Variants in SORCS2 observed in about 807,000 individuals in gnomAD.
SORCS2 encodes sortilin related VPS10 domain containing receptor 2.
A neutral mutation model predicts 141.6 loss-of-function variants in SORCS2; 100 were observed. The ratio of observed to expected loss-of-function variants is 0.71; its 90% CI spans 0.60 to 0.83. The LOEUF (loss-of-function observed/expected upper bound fraction) is 0.83. Among genes scored for constraint, SORCS2 ranks in the 40% least tolerant of loss-of-function variants. The pLI is 0.00. For synonymous variants in SORCS2, 789 were observed against 676.9 expected, an observed-to-expected ratio of 1.17 and a Z score of -2.57; for missense variants, 1,646 against 1,560.2, an observed-to-expected ratio of 1.05 and a Z score of -0.93.
intron 1 of SORCS2, among the ~76,000 whole-genome samples, chr4:7,209,212 C>T (rs990441401): frequency 2.0e-5 from 3 of 152,250 alleles, no homozygotes; most frequent in Non-Finnish European, 4.4e-5. Flanking sequence ...ATGCCCCCTC[C>T]TCAGCTGGCT....
At chr4:7,682,610 C>T in intron 9 of SORCS2, 133 bp from the exon 10 acceptor site, 1 of 872,588 alleles carries the variant, frequency 1.1e-6, no homozygotes, top group Non-Finnish European at 1.8e-6. Context: ...TGTGTCTCAG[C>T]TGCTGGACAT....
chr4:7,216,621 C>A (rs963455820), intron 1 of SORCS2, among the ~76,000 whole-genome samples: 2 of 152,134 alleles, frequency 1.3e-5, no homozygotes, highest in Admixed American at 1.3e-4. Context: ...GCTCCTTACT[C>A]CCATCCCTCC....
chr4:7,514,383 G>A (rs1307660672), intron 2 of SORCS2, among the ~76,000 whole-genome samples: 4 of 152,100 alleles, frequency 2.6e-5, no homozygotes, highest in African/African-American at 9.7e-5. Context: ...GGTGTGGGGT[G>A]ACCAGACACC....
Position 7,463,463 on chromosome 4 carries a change from A to C in SORCS2, c.548+67108A>C, listed in dbSNP as rs547787847. 2.5e-3 allele frequency among the ~76,000 whole-genome samples: 383 copies of C among 152,142 alleles called. 1 individual carries two copies. Among genetic ancestry groups the C allele is most frequent in the African/African-American group, 8.5e-3 (353 of 41,504 alleles). On this transcript the variant is annotated intron_variant, in intron 2 of 26. Transcript: ENST00000507866. ...TACTTAGTAAATGTTTCCTTCCCAG[A>C]GTGGAGGTGTGAGTTTTATTTGTTG... is the stretch of plus-strand genomic sequence containing the variant.
intron 1 of SORCS2, among the ~76,000 whole-genome samples, chr4:7,226,349 C>A (rs1728990496): frequency 6.6e-6 from 1 of 152,202 alleles, no homozygotes; most frequent in Admixed American, 6.5e-5. Flanking sequence ...TGACCTCAAG[C>A]CTGGCCTTGC....
At chr4:7,368,930 C>T (rs973921626) in intron 1 of SORCS2, among the ~76,000 whole-genome samples, 3 of 152,162 alleles carry the variant, frequency 2.0e-5, no homozygotes, top group South Asian at 2.1e-4. Context: ...TTCCCTTGCA[C>T]GTGCTCTTCT....
intron 1 of SORCS2, among the ~76,000 whole-genome samples, chr4:7,277,325 A>T (rs1019108105): frequency 1.3e-5 from 2 of 152,168 alleles, no homozygotes; most frequent in Non-Finnish European, 1.5e-5. Flanking sequence ...GGTCATCCCT[A>T]TCCCCAGCTC....
intron 18 of SORCS2, 95 bp from the exon 19 acceptor site, chr4:7,723,602 A>G (rs1726748548): frequency 7.2e-7 from 1 of 1,382,714 alleles, no homozygotes; most frequent in Non-Finnish European, 1.0e-6. Flanking sequence ...GGCGGCAATG[A>G]ATGAATGAGT....
intron 1 of SORCS2, among the ~76,000 whole-genome samples, chr4:7,321,808 C>T (rs1462152617): frequency 1.3e-5 from 2 of 152,158 alleles, no homozygotes. Flanking sequence ...TTTGTGGATT[C>T]AAGTGCCCCG....
At chr4:7,198,232 G>A (rs993433767) in intron 1 of SORCS2, among the ~76,000 whole-genome samples, 2 of 152,180 alleles carry the variant, frequency 1.3e-5, no homozygotes, top group Non-Finnish European at 2.9e-5. Context: ...AGGCCTCTCT[G>A]TCCTGGGTGG....
chr4:7,371,306 T>G lies in SORCS2; in HGVS notation c.481-24982T>G, dbSNP rs557930565. 3.1e-3 allele frequency among the ~76,000 whole-genome samples: 471 copies of G among 152,272 alleles called. 4 individuals carry two copies. Among genetic ancestry groups the G allele is most frequent in the African/African-American group, 0.011 (448 of 41,554 alleles). On this transcript the variant is annotated intron_variant, in intron 1 of 26. Transcript: ENST00000507866. ...GTGTGGTGGTGGATCGGCCTCTGCT[T>G]CTAACCTGGAGCACATCTGAAGTGA...
intron 1 of SORCS2, among the ~76,000 whole-genome samples, chr4:7,216,858 G>T (rs948571111): frequency 2.6e-5 from 4 of 152,108 alleles, no homozygotes; most frequent in Admixed American, 6.5e-5. Flanking sequence ...CCCTCGAGCC[G>T]CAAAGCCAGT....
intron 2 of SORCS2, among the ~76,000 whole-genome samples, chr4:7,462,556 G>A (rs942823995): frequency 2.6e-5 from 4 of 151,980 alleles, no homozygotes; most frequent in Non-Finnish European, 5.9e-5. Flanking sequence ...CCCTCCTGGT[G>A]CACCTGGAGG....
chr4:7,350,986 G>A (rs759011982), intron 1 of SORCS2, among the ~76,000 whole-genome samples: 8 of 152,172 alleles, frequency 5.3e-5, no homozygotes, highest in Non-Finnish European at 1.2e-4. Flanking sequence ...ACACGTGGTC[G>A]GGGTGGGGCT....
intron 1 of SORCS2, among the ~76,000 whole-genome samples, chr4:7,251,825 G>T (rs1713524316): frequency 6.6e-6 from 1 of 152,134 alleles, no homozygotes; most frequent in Non-Finnish European, 1.5e-5. Context: ...CACCTCTACA[G>T]CTCCTTTGGA....
chr4:7,236,628 C>CTGGA (rs1027023900), intron 1 of SORCS2, among the ~76,000 whole-genome samples: 2 of 152,170 alleles, frequency 1.3e-5, no homozygotes, highest in Non-Finnish European at 2.9e-5. Flanking sequence ...GTCACCCAGG[C>CTGGA]TGGAGTGCAG....
chr4:7,530,833 G>A (rs71601858), intron 2 of SORCS2, among the ~76,000 whole-genome samples: 3 of 152,192 alleles, frequency 2.0e-5, no homozygotes, highest in Non-Finnish European at 4.4e-5. Context: ...TTGGCCAGGA[G>A]GGCCTTGCCC....
At chr4:7,246,779 G>A (rs1713127458) in intron 1 of SORCS2, among the ~76,000 whole-genome samples, 1 of 152,218 alleles carries the variant, frequency 6.6e-6, no homozygotes, top group Non-Finnish European at 1.5e-5. Context: ...CTGTGAGCGT[G>A]CGCTTTGGAT....
intron 18 of SORCS2, among the ~76,000 whole-genome samples, chr4:7,719,659 G>C (rs542721449): frequency 6.6e-6 from 1 of 152,148 alleles, no homozygotes; most frequent in Non-Finnish European, 1.5e-5. Flanking sequence ...GGACAGAGCC[G>C]CTGCCCCGCC....
Sources: allele counts gnomAD v4.1 joint callset (sites outside exome capture counted in the v4.1 genomes callset), GRCh38; gene constraint gnomAD v4.1.1; transcripts MANE v1.5; gene names NCBI Gene and HGNC (gene_info 2026-07-23, HGNC 2026-07-21).